The following STRN variants were observed in gnomAD, a reference collection of about 807,000 sequenced individuals.
The protein encoded by STRN is protein phosphatase 2 regulatory subunit B'''alpha.
STRN carries 53 observed loss-of-function variants against 96.3 expected under a neutral mutation model. That is an observed-to-expected ratio of 0.55 (90% CI 0.44 to 0.69). The LOEUF is 0.69. Among genes scored for constraint, STRN ranks in the 30% least tolerant of loss-of-function variants. STRN has a pLI of 0.00. For synonymous variants in STRN, 428 were observed against 355.9 expected, an observed-to-expected ratio of 1.20 and a Z score of -2.28; for missense variants, 987 against 963.9, an observed-to-expected ratio of 1.02 and a Z score of -0.32.
In STRN at chr2:36,839,841, T is replaced by C. The variant is rs1376039327; in HGVS notation, c.*9615A>G. ...TAATGATTTAAAGTCATTTGAATATTAAATATAAATAGTTGGTCTCTAACT... is the reference window on the plus strand; with the variant it reads ...TAATGATTTAAAGTCATTTGAATATCAAATATAAATAGTTGGTCTCTAACT... On this transcript the variant is annotated 3_prime_UTR_variant, in exon 18 of 18. Coordinates refer to ENST00000263918, the MANE Select transcript of STRN (RefSeq NM_003162.4). 1 of 152,214 alleles carries C rather than the reference T, an allele frequency of 6.6e-6. No homozygotes were observed. Among genetic ancestry groups the C allele is most frequent in the Non-Finnish European group, 1.5e-5 (1 of 68,040 alleles). 9.4% of individuals were successfully genotyped at this position (152,214 alleles called of 1,614,324 possible).
At chr2:36,964,788 T>G (rs879572032) in intron 1 of STRN, among the ~76,000 whole-genome samples, 1 of 152,224 alleles carries the variant, frequency 6.6e-6, no homozygotes. Context: ...TAAGCCATTA[T>G]ATTCTATAGG....
intron 12 of STRN, among the ~76,000 whole-genome samples, chr2:36,863,653 G>T (rs938910923): frequency 1.3e-5 from 2 of 151,972 alleles, no homozygotes; most frequent in Admixed American, 6.6e-5. Context: ...TGGCTCTTCG[G>T]GTTTCCATAT....
At chr2:36,851,266 C>T (rs1374991250) in intron 15 of STRN, among the ~76,000 whole-genome samples, 159 bp from the exon 16 acceptor site, 2 of 152,056 alleles carry the variant, frequency 1.3e-5, no homozygotes, top group Non-Finnish European at 2.9e-5. Flanking sequence ...GGGTGGATCA[C>T]GAGGTCAGGA....
Position 36,851,092 on chromosome 2 carries a change from C to A in STRN, c.1994G>T (p.Cys665Phe). ...SNVDTTANSS[C>F]QINRVISHPT... ...ATGACTGATGACTCTATTTATTTGGCAGGAAGAGTTGGCTGCTAAAAAGAA... is the reference window on the plus strand; with the variant it reads ...ATGACTGATGACTCTATTTATTTGGAAGGAAGAGTTGGCTGCTAAAAAGAA... The change falls in exon 16 of 18, where the codon TGC becomes TTC. Residue 665 changes from cysteine to phenylalanine, a missense_variant. By Grantham distance (205) the Cys-to-Phe change is radical (BLOSUM62 -2). Coordinates refer to ENST00000263918, the MANE Select transcript of STRN (RefSeq NM_003162.4). 6.2e-7 allele frequency: 1 copy of A among 1,612,756 alleles called. No homozygotes were observed. Among genetic ancestry groups the A allele is most frequent in the Non-Finnish European group, 8.5e-7 (1 of 1,179,536 alleles).
At chr2:36,860,624 T>C (rs537763646) in intron 13 of STRN, among the ~76,000 whole-genome samples, 1 of 152,320 alleles carries the variant, frequency 6.6e-6, no homozygotes, top group Admixed American at 6.5e-5. Context: ...ATAATATGAT[T>C]TATGATGTAT....
rs1668031760 is a variant in STRN, at chr2:36,844,911, T to C, written c.*4545A>G. On this transcript the variant is annotated 3_prime_UTR_variant, in exon 18 of 18. Transcript: ENST00000263918. ...AAAATGAACTTTAGGGCTTGATACA[T>C]TTCACAAAAATATACATATTTTTCG... 6.6e-6 allele frequency: 1 copy of C among 152,154 alleles called. No individual in the cohort carries two copies. The highest frequency in any genetic ancestry group is 1.5e-5 in the Non-Finnish European group (1 of 68,020). 9.4% of individuals were successfully genotyped at this position (152,154 alleles called of 1,614,324 possible).
At position 36,855,335 on chromosome 2, in the gene STRN, A is replaced by C. The variant is rs1444600472; in HGVS notation, c.1855T>G (p.Ser619Ala). Residue 619 changes from serine to alanine, a missense_variant, in exon 15 of 18, where the codon TCT becomes GCT. Ser to Ala is a moderately conservative substitution (Grantham distance 99). Transcript: ENST00000263918. ...GGGTCACTGCTCACTAGATCCACAG[A>C]GGCAGGGATTCCCAGTTCTGAAAGA... Reference protein sequence around the residue: ...NDTKELGIPASVDLVSSDPSH... With the variant: ...NDTKELGIPAAVDLVSSDPSH... 2 of 1,613,526 alleles carry C rather than the reference A, an allele frequency of 1.2e-6. No individual in the cohort carries two copies. Among genetic ancestry groups the C allele is most frequent in the South Asian group, 2.2e-5 (2 of 90,952 alleles).
chr2:36,950,623 T>C (rs1006810908), intron 1 of STRN, among the ~76,000 whole-genome samples: 1 of 152,212 alleles, frequency 6.6e-6, no homozygotes, highest in African/African-American at 2.4e-5. Flanking sequence ...GCCAAGACCA[T>C]ATCTGCCTCT....
intron 1 of STRN, among the ~76,000 whole-genome samples, chr2:36,934,804 C>T (rs1046159101): frequency 7.2e-5 from 11 of 152,152 alleles, no homozygotes; most frequent in South Asian, 2.1e-4. Context: ...AGGCTGGGCA[C>T]GGTGGCTCAT....
In STRN at chr2:36,866,461, T is replaced by A. The variant is rs374358669; in HGVS notation, c.1547+1353A>T. On this transcript the variant is annotated intron_variant, in intron 12 of 17. Transcript: ENST00000263918. ...CCGAGAAGTGTTTAATGGTCAGGAG[T>A]GTGGTTGATTTTAGAATATGTGCCA... Among the ~76,000 whole-genome samples the A allele has an allele frequency of 9.2e-5, 14 of 152,200 alleles. No individual in the cohort carries two copies. In the East Asian group the frequency reaches 1.4e-3, roughly 15 times the overall value.
intron 1 of STRN, among the ~76,000 whole-genome samples, chr2:36,942,139 T>C (rs2148254808): frequency 6.6e-6 from 1 of 152,238 alleles, no homozygotes; most frequent in East Asian, 1.9e-4. Context: ...CACTCACTGA[T>C]AAAGGAGACT....
chr2:36,929,446 C>T (rs112644257), intron 1 of STRN, among the ~76,000 whole-genome samples: 2 of 151,084 alleles, frequency 1.3e-5, no homozygotes, highest in Non-Finnish European at 2.9e-5. Flanking sequence ...TGCAGTGGTG[C>T]GATTTCGGCT....
intron 12 of STRN, among the ~76,000 whole-genome samples, chr2:36,866,697 T>C (rs202147419): frequency 6.6e-6 from 1 of 152,208 alleles, no homozygotes; most frequent in African/African-American, 2.4e-5. Flanking sequence ...AATTTATTAA[T>C]CTGGGTGCTC....
chr2:36,955,493 C>A (rs564134610), intron 1 of STRN, among the ~76,000 whole-genome samples: 70 of 152,316 alleles, frequency 4.6e-4, no homozygotes, highest in Non-Finnish European at 8.4e-4. Flanking sequence ...GATAAGACAT[C>A]TTTGTAGAGT....
intron 7 of STRN, among the ~76,000 whole-genome samples, chr2:36,893,501 C>T (rs1385649486): frequency 6.6e-6 from 1 of 151,992 alleles, no homozygotes; most frequent in Non-Finnish European, 1.5e-5. Context: ...TGATAAATGA[C>T]TGACTACAAT....
At chr2:36,891,420 G>A (rs1018782413) in intron 7 of STRN, among the ~76,000 whole-genome samples, 1 of 152,160 alleles carries the variant, frequency 6.6e-6, no homozygotes, top group African/African-American at 2.4e-5. Context: ...CAGCTACTCT[G>A]GAGGCTGAGG....
chr2:36,923,526 C>T (rs1327823157), intron 2 of STRN, among the ~76,000 whole-genome samples: 1 of 150,740 alleles, frequency 6.6e-6, no homozygotes, highest in Non-Finnish European at 1.5e-5. Flanking sequence ...GTCCCTAATA[C>T]AGCTTTTCAT....
At chr2:36,851,686 T>A (rs987594180) in intron 15 of STRN, among the ~76,000 whole-genome samples, 1 of 152,212 alleles carries the variant, frequency 6.6e-6, no homozygotes, top group Non-Finnish European at 1.5e-5. Context: ...CTAACGCTGT[T>A]CATTCTACAA....
chr2:36,855,440 G>A (rs1668321280), intron 14 of STRN, 88 bp from the exon 15 acceptor site: 3 of 1,381,370 alleles, frequency 2.2e-6, no homozygotes, highest in East Asian at 2.4e-5. Context: ...AAATGGCATG[G>A]TTTCCTTAAG....
Sources: gnomAD v4.1 joint callset for allele counts (sites outside exome capture counted in the v4.1 genomes callset) on GRCh38, gnomAD v4.1.1 for gene constraint, MANE v1.5 for transcripts, NCBI Gene and HGNC (gene_info 2026-07-23, HGNC 2026-07-21) for gene names.